The following TMEFF2 variants were observed in gnomAD, a reference collection of about 807,000 sequenced individuals.
TMEFF2 encodes transmembrane protein with EGF like and two follistatin like domains 2, also known as tomoregulin-2.
In TMEFF2, 28 loss-of-function variants were observed where a neutral mutation model predicts 53.8. That is an observed-to-expected ratio of 0.52 (90% confidence interval 0.39 to 0.71). The LOEUF is 0.71. TMEFF2 is among the 30% of genes least tolerant of loss of function. The probability of loss-of-function intolerance (pLI) is 0.00; values close to 1 mark genes in which losing one functional copy is unlikely to be tolerated. For missense variants in TMEFF2, 353 were observed against 455.2 expected, an observed-to-expected ratio of 0.78 and a Z score of 2.04; for synonymous variants, 162 against 166.3, an observed-to-expected ratio of 0.97 and a Z score of 0.20.
chr2:192,097,087 G>A (rs1393432165), intron 4 of TMEFF2, among the ~76,000 whole-genome samples: 3 of 152,096 alleles, frequency 2.0e-5, no homozygotes, highest in Non-Finnish European at 4.4e-5. Context: ...AGCAGTTATA[G>A]GTACACACAT....
At chr2:192,012,112 C>T (rs1394685301) in intron 5 of TMEFF2, among the ~76,000 whole-genome samples, 1 of 152,086 alleles carries the variant, frequency 6.6e-6, no homozygotes, top group Non-Finnish European at 1.5e-5. Context: ...ACTGTGTTAG[C>T]CAGGATGGTC....
intron 4 of TMEFF2, chr2:192,176,833 T>C (rs544010039): frequency 1.3e-5 from 2 of 151,220 alleles, no homozygotes; most frequent in South Asian, 4.1e-4. Context: ...CGCTAAAATA[T>C]AGGAAAATTT....
chr2:192,151,867 C>G (rs1373208912), intron 4 of TMEFF2, among the ~76,000 whole-genome samples: 4 of 151,700 alleles, frequency 2.6e-5, no homozygotes, highest in Non-Finnish European at 5.9e-5. Context: ...TGGGCATGCA[C>G]CTGGCTAACT....
intron 4 of TMEFF2, among the ~76,000 whole-genome samples, chr2:192,164,240 A>C (rs1690700517): frequency 6.6e-6 from 1 of 152,048 alleles, no homozygotes; most frequent in Admixed American, 6.6e-5. Flanking sequence ...CTCGGGCTGC[A>C]CTTACCTTCC....
At chr2:192,172,983 T>C (rs1036774041) in intron 4 of TMEFF2, among the ~76,000 whole-genome samples, 1 of 151,906 alleles carries the variant, frequency 6.6e-6, no homozygotes, top group African/African-American at 2.4e-5. Flanking sequence ...CCAAAAGCTG[T>C]TGCTGTGGTT....
intron 4 of TMEFF2, among the ~76,000 whole-genome samples, chr2:192,174,814 C>T (rs1199368985): frequency 2.0e-5 from 3 of 151,454 alleles, no homozygotes; most frequent in Non-Finnish European, 3.0e-5. Context: ...GTGGGGGGAA[C>T]AAAACATACA....
In TMEFF2 at chr2:192,159,033, A is replaced by G. The variant is rs189697632; in HGVS notation, c.439+20635T>C. ...ATGTATGGAGGTTTTCACTCTCTCA[A>G]AGGACTAGAAACTCCTCCTCAAGGC... is the stretch of plus-strand genomic sequence containing the variant. On this transcript the variant is annotated intron_variant, in intron 4 of 9. Coordinates refer to ENST00000272771, the MANE Select transcript of TMEFF2 (RefSeq NM_016192.4). Among the ~76,000 whole-genome samples, 344 of 152,154 alleles carry G rather than the reference A, an allele frequency of 2.3e-3. 1 individual carries two copies. Among genetic ancestry groups the G allele is most frequent in the African/African-American group, 7.8e-3 (324 of 41,540 alleles).
Position 192,091,988 on chromosome 2 carries a change from C to T in TMEFF2, c.440-34213G>A, listed in dbSNP as rs564416992. On this transcript the variant is annotated intron_variant, in intron 4 of 9. Transcript: ENST00000272771. ...TCTTAAAAGTTTTAAAAACATACAG[C>T]GGCTTGCTTTCTTCATCAGAAACTT... 9.9e-5 allele frequency among the ~76,000 whole-genome samples: 15 copies of T among 152,142 alleles called. No individual in the cohort carries two copies. The South Asian group carries it at 2.3e-3, about 23-fold the overall frequency.
intron 4 of TMEFF2, among the ~76,000 whole-genome samples, chr2:192,144,480 A>G (rs1395418282): frequency 6.6e-6 from 1 of 152,088 alleles, no homozygotes; most frequent in Non-Finnish European, 1.5e-5. Flanking sequence ...GATAGGAGCC[A>G]TCTTTAGCAA....
At chr2:191,990,871 A>C (rs1686088769) in intron 7 of TMEFF2, among the ~76,000 whole-genome samples, 1 of 151,960 alleles carries the variant, frequency 6.6e-6, no homozygotes, top group Non-Finnish European at 1.5e-5. Context: ...CATATACTAC[A>C]TTCCTTTTTT....
At chr2:192,169,218 A>G (rs542666211) in intron 4 of TMEFF2, among the ~76,000 whole-genome samples, 1 of 152,266 alleles carries the variant, frequency 6.6e-6, no homozygotes, top group Admixed American at 6.5e-5. Flanking sequence ...ATGTAGTCCA[A>G]CCAGAAGATT....
intron 5 of TMEFF2, among the ~76,000 whole-genome samples, chr2:192,039,327 C>T (rs945136866): frequency 2.6e-5 from 4 of 152,124 alleles, no homozygotes; most frequent in Non-Finnish European, 5.9e-5. Flanking sequence ...GTAAATTTAT[C>T]TCAAAGTCAG....
intron 5 of TMEFF2, among the ~76,000 whole-genome samples, chr2:192,012,493 C>T (rs911415837): frequency 5.3e-5 from 8 of 152,136 alleles, no homozygotes; most frequent in Non-Finnish European, 1.0e-4. Context: ...CCTGGGCCAA[C>T]AAACCATGCA....
At chr2:191,968,622 T>C (rs935950928) in intron 7 of TMEFF2, among the ~76,000 whole-genome samples, 3 of 152,194 alleles carry the variant, frequency 2.0e-5, no homozygotes, top group African/African-American at 7.2e-5. Flanking sequence ...GGTTCTGTAG[T>C]CAAATAAATT....
chr2:192,048,444 C>T (rs2105893575), intron 5 of TMEFF2, among the ~76,000 whole-genome samples: 1 of 150,780 alleles, frequency 6.6e-6, no homozygotes, highest in African/African-American at 2.4e-5. Context: ...AGAGGGATGA[C>T]ATTTTCCTAA....
chr2:192,178,843 C>T (rs1691115000), intron 4 of TMEFF2: 1 of 151,118 alleles, frequency 6.6e-6, no homozygotes. Context: ...TGAGAGAATG[C>T]TTTTATTTGT....
chr2:192,053,998 T>C (rs773416765), intron 5 of TMEFF2, among the ~76,000 whole-genome samples: 2 of 152,156 alleles, frequency 1.3e-5, no homozygotes, highest in Non-Finnish European at 2.9e-5. Context: ...CATTCAACAT[T>C]TTAAATACAT....
chr2:192,130,519 C>T (rs1391787601), intron 4 of TMEFF2, among the ~76,000 whole-genome samples: 1 of 152,114 alleles, frequency 6.6e-6, no homozygotes, highest in Admixed American at 6.5e-5. Context: ...GATGACACTC[C>T]ACCATTGTGA....
At chr2:192,031,447 T>C (rs778696148) in intron 5 of TMEFF2, 3 of 152,182 alleles carry the variant, frequency 2.0e-5, no homozygotes, top group Non-Finnish European at 4.4e-5. Flanking sequence ...GTCCATAATA[T>C]GCCTAAAGAT....
Sources: allele counts gnomAD v4.1 joint callset (sites outside exome capture counted in the v4.1 genomes callset), GRCh38; gene constraint gnomAD v4.1.1; transcripts MANE v1.5; gene names NCBI Gene and HGNC (gene_info 2026-07-23, HGNC 2026-07-21).